The following ELAVL2 variants were observed in gnomAD, a reference collection of about 807,000 sequenced individuals.
ELAVL2 encodes the protein ELAV-like protein 2.
A neutral mutation model predicts 34.6 loss-of-function variants in ELAVL2; 4 were observed. The observed-to-expected ratio is 0.12, with a 90% CI of 0.06 to 0.26. The LOEUF is 0.26. Ranked by LOEUF, ELAVL2 falls within the 10% of genes least tolerant of loss-of-function variation. The pLI is 1.00. For missense variants in ELAVL2, 432 were observed against 442.8 expected, an observed-to-expected ratio of 0.98 and a Z score of 0.22; for synonymous variants, 193 against 154.8, an observed-to-expected ratio of 1.25 and a Z score of -1.83.
chr9:23,696,849 G>A (rs111602164), intron 5 of ELAVL2, among the ~76,000 whole-genome samples: 1 of 151,924 alleles, frequency 6.6e-6, no homozygotes, highest in African/African-American at 2.4e-5. Flanking sequence ...AATATCTCAG[G>A]GAGGGGTGTG....
intron 1 of ELAVL2, among the ~76,000 whole-genome samples, chr9:23,810,455 G>A (rs1326915068): frequency 6.6e-6 from 1 of 151,952 alleles, no homozygotes; most frequent in South Asian, 2.1e-4. Flanking sequence ...CCACCACTGG[G>A]GAACCAAACA....
chr9:23,750,939 G>C (rs1201104220), intron 2 of ELAVL2, among the ~76,000 whole-genome samples: 1 of 152,148 alleles, frequency 6.6e-6, no homozygotes, highest in East Asian at 1.9e-4. Context: ...CAGTGATTCT[G>C]ATTTACCAGT....
At chr9:23,792,502 T>C (rs1342433201) in intron 1 of ELAVL2, among the ~76,000 whole-genome samples, 2 of 152,198 alleles carry the variant, frequency 1.3e-5, no homozygotes, top group East Asian at 1.9e-4. Flanking sequence ...TATCATCATA[T>C]ACACTGCTTC....
At chr9:23,758,411 GT>G (rs1251313031) in intron 2 of ELAVL2, among the ~76,000 whole-genome samples, 1 of 152,014 alleles carries the variant, frequency 6.6e-6, no homozygotes. Flanking sequence ...TCCTAAAGCA[GT>G]TTATGCTTAA....
intron 1 of ELAVL2, among the ~76,000 whole-genome samples, chr9:23,806,893 C>G (rs1381195332): frequency 6.6e-6 from 1 of 152,150 alleles, no homozygotes; most frequent in Non-Finnish European, 1.5e-5. Flanking sequence ...ATTCTCCTCT[C>G]CTGAACTAAA....
chr9:23,765,060 A>G (rs1420992308), intron 1 of ELAVL2: 2 of 1,609,560 alleles, frequency 1.2e-6, no homozygotes, highest in African/African-American at 1.3e-5. Context: ...GAGAAGCCAC[A>G]TCACACAGTC....
At chr9:23,762,627 C>T (rs2055305557) in intron 1 of ELAVL2, among the ~76,000 whole-genome samples, 1 of 152,094 alleles carries the variant, frequency 6.6e-6, no homozygotes, top group Non-Finnish European at 1.5e-5. Flanking sequence ...AATAAAAGTG[C>T]TTAACATGCT....
intron 1 of ELAVL2, among the ~76,000 whole-genome samples, chr9:23,811,386 A>T (rs2062978162): frequency 1.3e-5 from 2 of 152,096 alleles, no homozygotes; most frequent in South Asian, 4.1e-4. Context: ...GGAGAAAAGC[A>T]GTGGCCAGGC....
At chr9:23,825,560 T>TC (rs530031254) in intron 1 of ELAVL2, among the ~76,000 whole-genome samples, 2 of 152,034 alleles carry the variant, frequency 1.3e-5, no homozygotes, top group African/African-American at 4.8e-5. Context: ...GTACCCCTAC[T>TC]CCCCCCTGGC....
At chr9:23,791,620 G>A (rs561316356) in intron 1 of ELAVL2, among the ~76,000 whole-genome samples, 137 of 150,242 alleles carry the variant, frequency 9.1e-4, no homozygotes, top group African/African-American at 3.3e-3. Context: ...TCACAAGTAT[G>A]GGGCCCTAAT....
At chr9:23,850,493 C>T in the ELAVL2 span, among the ~76,000 whole-genome samples, 8 of 152,220 alleles carry the variant, frequency 5.3e-5, no homozygotes, top group African/African-American at 1.9e-4. Flanking sequence ...GTTCCTGCCT[C>T]TTTCGAGCTG....
intron 2 of ELAVL2, among the ~76,000 whole-genome samples, chr9:23,742,790 G>T (rs2049577513): frequency 6.6e-6 from 1 of 152,146 alleles, no homozygotes; most frequent in Admixed American, 6.5e-5. Context: ...TCTTTGTACA[G>T]GACATGTTGC....
At chr9:23,746,823 A>G (rs540889894) in intron 2 of ELAVL2, among the ~76,000 whole-genome samples, 4 of 151,394 alleles carry the variant, frequency 2.6e-5, no homozygotes, top group African/African-American at 9.7e-5. Context: ...TGAAAAAGAA[A>G]AAAAAAAAAA....
At chr9:23,780,846 G>A (rs2058963422) in intron 1 of ELAVL2, among the ~76,000 whole-genome samples, 1 of 152,158 alleles carries the variant, frequency 6.6e-6, no homozygotes, top group Non-Finnish European at 1.5e-5. Context: ...GTAGCATTCA[G>A]GAAATTTGGA....
At chr9:23,699,262 C>T (rs1344516689) in intron 5 of ELAVL2, among the ~76,000 whole-genome samples, 1 of 152,194 alleles carries the variant, frequency 6.6e-6, no homozygotes, top group African/African-American at 2.4e-5. Flanking sequence ...CACCCATCAA[C>T]AACCTAGCAC....
intron 4 of ELAVL2, among the ~76,000 whole-genome samples, chr9:23,702,752 T>TACC (rs1289566723): frequency 1.3e-5 from 2 of 151,920 alleles, no homozygotes; most frequent in African/African-American, 4.8e-5. Flanking sequence ...TGCACATTAT[T>TACC]ACCACCTGAT....
chr9:23,799,757 C>T (rs1279046066), intron 1 of ELAVL2, among the ~76,000 whole-genome samples: 1 of 152,178 alleles, frequency 6.6e-6, no homozygotes, highest in Non-Finnish European at 1.5e-5. Context: ...ACAGACCTAA[C>T]ACACCAAATA....
At chr9:23,846,532 T>C in the ELAVL2 span, among the ~76,000 whole-genome samples, 2 of 151,998 alleles carry the variant, frequency 1.3e-5, no homozygotes, top group Non-Finnish European at 2.9e-5. Context: ...TTAAGGAAAA[T>C]TGGGTACAGT....
chr9:23,836,606 A>C, the ELAVL2 span, among the ~76,000 whole-genome samples: 1 of 152,138 alleles, frequency 6.6e-6, no homozygotes, highest in Non-Finnish European at 1.5e-5. Flanking sequence ...TACAGTGTTC[A>C]GTCCTCGCTT....
Sources: allele counts gnomAD v4.1 joint callset (sites outside exome capture counted in the v4.1 genomes callset), GRCh38; gene constraint gnomAD v4.1.1; transcripts MANE v1.5; gene names NCBI Gene and HGNC (gene_info 2026-07-23, HGNC 2026-07-21).